Variants in CELF2 observed in about 807,000 individuals in gnomAD.
CELF2 encodes the protein CUG triplet repeat RNA-binding protein 2.
CELF2 carries 8 observed loss-of-function variants against 62.6 expected under a neutral mutation model. The ratio of observed to expected loss-of-function variants is 0.13; its 90% CI spans 0.07 to 0.23. The LOEUF is 0.23. Ranked by LOEUF, CELF2 falls within the 10% of genes least tolerant of loss-of-function variation. The probability of loss-of-function intolerance (pLI) is 1.00; values close to 1 mark genes in which losing one functional copy is unlikely to be tolerated. For missense variants in CELF2, 333 were observed against 671.0 expected (o/e 0.50, Z 5.56); for synonymous variants, 258 against 250.0 (o/e 1.03, Z -0.30).
chr10:11,147,550 A>G lies in CELF2; in HGVS notation c.75-17936A>G, dbSNP rs150000707. 3.6e-3 allele frequency among the ~76,000 whole-genome samples: 555 copies of G among 152,276 alleles called. 2 individuals carry two copies. Among genetic ancestry groups the G allele is most frequent in the African/African-American group, 0.013 (534 of 41,552 alleles). On this transcript the variant is annotated intron_variant, in intron 1 of 12. Transcript: ENST00000633077. ...AAATGCATGTGCAAAGCTTGTCCCC[A>G]TAAGCTTTTTGGAGTGTGGCTTTTA... is the stretch of plus-strand genomic sequence containing the variant.
At chr10:11,101,318 G>A (rs10905900) in intron 1 of CELF2, among the ~76,000 whole-genome samples, 22,885 of 152,124 alleles carry the variant, frequency 0.15, 3,218 homozygotes, top group East Asian at 0.72. Flanking sequence ...TGTACAGATC[G>A]GTATGTCATA....
chr10:10,810,758 T>G (rs1434267919), intron 1 of CELF2, among the ~76,000 whole-genome samples: 1 of 152,198 alleles, frequency 6.6e-6, no homozygotes, highest in Non-Finnish European at 1.5e-5. Flanking sequence ...CAATCATCGT[T>G]CATCAAGTCA....
In CELF2 at chr10:10,831,094, G is replaced by C. The variant is rs540363721; in HGVS notation, c.53+32277G>C. 4.6e-5 allele frequency among the ~76,000 whole-genome samples: 7 copies of C among 152,286 alleles called. No homozygotes were observed. In the East Asian group the frequency reaches 1.2e-3, roughly 25 times the overall value. On this transcript the variant is annotated intron_variant, in intron 1 of 13. Coordinates refer to the CELF2 transcript ENST00000636488. ...GGAAATGGGCAATGGTGGAATCCTA[G>C]AACTTTTTATTTTCTTCCTGAAGCC...
At chr10:10,684,684 C>T in the CELF2 span, among the ~76,000 whole-genome samples, 1 of 152,112 alleles carries the variant, frequency 6.6e-6, no homozygotes, top group African/African-American at 2.4e-5. Context: ...GTTGAGCCTG[C>T]AGTGAGTCGA....
chr10:10,937,181 C>T (rs1257109693), intron 2 of CELF2, among the ~76,000 whole-genome samples: 3 of 131,114 alleles, frequency 2.3e-5, no homozygotes, highest in Non-Finnish European at 4.6e-5. Flanking sequence ...GGCTGGAGCG[C>T]AGTGGTGCAA....
chr10:11,173,809 C>T (rs547251797), intron 2 of CELF2, among the ~76,000 whole-genome samples: 2 of 152,194 alleles, frequency 1.3e-5, no homozygotes, highest in African/African-American at 2.4e-5. Context: ...TTATGATCTT[C>T]GAAACCATTG....
At chr10:10,502,162 C>T in the CELF2 span, among the ~76,000 whole-genome samples, 1 of 151,710 alleles carries the variant, frequency 6.6e-6, no homozygotes, top group African/African-American at 2.4e-5. Context: ...TTCTATTTGT[C>T]GTGTTTTATT....
At chr10:10,859,055 T>C (rs1417201103) in intron 1 of CELF2, among the ~76,000 whole-genome samples, 1 of 152,220 alleles carries the variant, frequency 6.6e-6, no homozygotes, top group Non-Finnish European at 1.5e-5. Flanking sequence ...AAATTCAAAA[T>C]GATTAGTAGC....
the CELF2 span, among the ~76,000 whole-genome samples, chr10:10,578,377 T>A: frequency 3.3e-5 from 5 of 152,312 alleles, no homozygotes; most frequent in South Asian, 1.0e-3. Context: ...TAGATCCTGT[T>A]TGTCAATTTT....
chr10:10,642,932 G>A, the CELF2 span, among the ~76,000 whole-genome samples: 2 of 152,234 alleles, frequency 1.3e-5, no homozygotes, highest in Non-Finnish European at 2.9e-5. Flanking sequence ...TTGCCTCTCA[G>A]CCAGCCTCTT....
Position 11,243,536 on chromosome 10 carries a change from G to A in CELF2, c.355-5617G>A, listed in dbSNP as rs1248260665. Reference sequence around the variant, plus strand: ...TCATGCTCCTGCCATTTCCCCACAAGCATGCTGCGGCCTTGCGTGAGAGGA... The same window carrying A: ...TCATGCTCCTGCCATTTCCCCACAAACATGCTGCGGCCTTGCGTGAGAGGA... On this transcript the variant is annotated intron_variant, in intron 3 of 12. Coordinates refer to ENST00000633077, the MANE Select transcript of CELF2 (RefSeq NM_001326342.2). The surrounding 1 kb of genome is among the most constrained non-coding windows in gnomAD (Gnocchi z 4.1). Among the ~76,000 whole-genome samples the A allele has an allele frequency of 6.6e-6, 1 of 152,204 alleles. No homozygotes were observed. The highest frequency in any genetic ancestry group is 1.5e-5 in the Non-Finnish European group (1 of 68,050).
chr10:10,849,508 G>A (rs986609930), intron 1 of CELF2, among the ~76,000 whole-genome samples: 3 of 152,018 alleles, frequency 2.0e-5, no homozygotes, highest in African/African-American at 2.4e-5. Context: ...TATTTGCTTC[G>A]TCATTCTTTC....
the CELF2 span, among the ~76,000 whole-genome samples, chr10:10,773,503 G>A: frequency 1.3e-5 from 2 of 152,154 alleles, no homozygotes; most frequent in Non-Finnish European, 2.9e-5. Flanking sequence ...TTAAAGTTTA[G>A]CATGTTGTAT....
At chr10:10,684,501 G>A in the CELF2 span, among the ~76,000 whole-genome samples, 2 of 152,184 alleles carry the variant, frequency 1.3e-5, no homozygotes, top group Admixed American at 6.5e-5. Flanking sequence ...CCAGGACTTT[G>A]AGAGGACAAG....
At chr10:10,521,212 A>G in the CELF2 span, among the ~76,000 whole-genome samples, 1 of 152,184 alleles carries the variant, frequency 6.6e-6, no homozygotes, top group East Asian at 1.9e-4. Flanking sequence ...CCCAGACTAA[A>G]ACCAGAGCTA....
the CELF2 span, among the ~76,000 whole-genome samples, chr10:10,578,428 T>G: frequency 6.6e-6 from 1 of 152,194 alleles, no homozygotes; most frequent in Non-Finnish European, 1.5e-5. Context: ...AGACATGAAG[T>G]CCTTGCCCAT....
At chr10:10,850,865 G>A (rs2059341727) in intron 1 of CELF2, among the ~76,000 whole-genome samples, 1 of 152,040 alleles carries the variant, frequency 6.6e-6, no homozygotes, top group Admixed American at 6.5e-5. Context: ...GAGTGCAGTG[G>A]CGTGACCTCA....
the CELF2 span, among the ~76,000 whole-genome samples, chr10:10,547,859 A>T: frequency 6.6e-6 from 1 of 152,164 alleles, no homozygotes; most frequent in East Asian, 1.9e-4. Flanking sequence ...TCTGTATCAA[A>T]CATCCATCAT....
At chr10:11,097,405 A>G (rs1477644634) in intron 1 of CELF2, 1 of 152,196 alleles carries the variant, frequency 6.6e-6, no homozygotes, top group Non-Finnish European at 1.5e-5. Flanking sequence ...TTGAAAAGTA[A>G]ATTTCTGAGT....
Sources: allele counts gnomAD v4.1 joint callset (sites outside exome capture counted in the v4.1 genomes callset), GRCh38; gene constraint gnomAD v4.1.1; non-coding constraint Gnocchi (gnomAD v3.1); transcripts MANE v1.5; gene names NCBI Gene and HGNC (gene_info 2026-07-23, HGNC 2026-07-21).